Variants in TTC28 observed in about 807,000 individuals in gnomAD.
TTC28 encodes the protein tetratricopeptide repeat domain 28, also known as tetratricopeptide repeat protein 28.
A neutral mutation model predicts 198.0 loss-of-function variants in TTC28; 61 were observed. The observed-to-expected ratio is 0.31, with a 90% CI of 0.25 to 0.38. The LOEUF is 0.38. TTC28 is among the 10% of genes least tolerant of loss of function. The pLI is 1.00. For synonymous variants in TTC28, 1,171 were observed against 1,297.8 expected (o/e 0.90, Z 2.10); for missense variants, 2,678 against 3,164.0 (o/e 0.85, Z 3.69).
chr22:28,415,273 TA>T (rs1403537284), intron 2 of TTC28, among the ~76,000 whole-genome samples: 1 of 151,832 alleles, frequency 6.6e-6, no homozygotes, highest in East Asian at 1.9e-4. Flanking sequence ...AAAGAAATTT[TA>T]AATGAAAAAA....
chr22:28,467,388 C>T (rs1344099498), intron 2 of TTC28, among the ~76,000 whole-genome samples: 2 of 152,184 alleles, frequency 1.3e-5, no homozygotes, highest in East Asian at 3.8e-4. Flanking sequence ...TGCACCACTG[C>T]ACTCCAGCCT....
At chr22:28,541,439 A>G (rs1409814555) in intron 2 of TTC28, among the ~76,000 whole-genome samples, 1 of 152,196 alleles carries the variant, frequency 6.6e-6, no homozygotes, top group Non-Finnish European at 1.5e-5. Flanking sequence ...AGAAGCAGCT[A>G]CTCAGGAAAA....
At chr22:28,590,023 C>A in intron 2 of TTC28, among the ~76,000 whole-genome samples, 1 of 61,704 alleles carries the variant, frequency 1.6e-5, no homozygotes, top group African/African-American at 9.6e-5. Flanking sequence ...GGCAACAGAA[C>A]AAGACTCCAT....
intron 2 of TTC28, among the ~76,000 whole-genome samples, chr22:28,389,247 T>C (rs1328904382): frequency 6.6e-6 from 1 of 152,226 alleles, no homozygotes; most frequent in Non-Finnish European, 1.5e-5. Flanking sequence ...GGTTTGCCAG[T>C]ATTTTATTGA....
At chr22:28,425,987 G>T (rs1053755172) in intron 2 of TTC28, among the ~76,000 whole-genome samples, 1 of 152,138 alleles carries the variant, frequency 6.6e-6, no homozygotes, top group African/African-American at 2.4e-5. Flanking sequence ...GAGGCAGATG[G>T]ATCACTTGAG....
At chr22:28,617,476 G>C (rs1021652433) in intron 2 of TTC28, among the ~76,000 whole-genome samples, 8 of 152,056 alleles carry the variant, frequency 5.3e-5, no homozygotes, top group African/African-American at 1.7e-4. Flanking sequence ...CTGGCTGACA[G>C]AGTGAGACCC....
At chr22:28,066,304 G>GTT (rs71803180) in intron 12 of TTC28, among the ~76,000 whole-genome samples, 1,670 of 147,190 alleles carry the variant, frequency 0.011, 25 homozygotes, top group African/African-American at 0.04. Context: ...GTGTGTGTGT[G>GTT]GTGTGTGTGT....
At chr22:28,383,733 C>T (rs2046531465) in intron 2 of TTC28, among the ~76,000 whole-genome samples, 1 of 152,108 alleles carries the variant, frequency 6.6e-6, no homozygotes, top group South Asian at 2.1e-4. Context: ...CACCTTTGTC[C>T]AAACCATCAT....
intron 12 of TTC28, among the ~76,000 whole-genome samples, chr22:28,040,076 G>A (rs545071488): frequency 1.3e-5 from 2 of 152,294 alleles, no homozygotes; most frequent in Admixed American, 1.3e-4. Context: ...AACAGGTTCT[G>A]AAATTGAGGA....
chr22:28,421,308 G>T (rs779406244), intron 2 of TTC28, among the ~76,000 whole-genome samples: 67 of 152,058 alleles, frequency 4.4e-4, no homozygotes, highest in Non-Finnish European at 7.4e-4. Context: ...AAACCACAAC[G>T]CTGGAAAACT....
At chr22:28,016,216 G>A (rs1244933047) in intron 13 of TTC28, among the ~76,000 whole-genome samples, 1 of 152,120 alleles carries the variant, frequency 6.6e-6, no homozygotes, top group Non-Finnish European at 1.5e-5. Flanking sequence ...AAGTGACGAG[G>A]GCTGCAGCAT....
intron 2 of TTC28, among the ~76,000 whole-genome samples, chr22:28,581,610 T>C (rs1347234446): frequency 6.6e-6 from 1 of 152,218 alleles, no homozygotes. Flanking sequence ...ATGATTCCAC[T>C]AATAAATAGA....
At chr22:28,480,404 ACT>A (rs1463456340) in intron 2 of TTC28, among the ~76,000 whole-genome samples, 2 of 152,124 alleles carry the variant, frequency 1.3e-5, no homozygotes, top group African/African-American at 4.8e-5. Flanking sequence ...CAGGTCACAA[ACT>A]CTACAGAAAG....
intron 18 of TTC28, 194 bp from the exon 19 acceptor site, chr22:27,992,857 G>A: frequency 3.2e-6 from 2 of 628,344 alleles, no homozygotes; most frequent in Admixed American, 2.9e-5. Context: ...GGGTGGAAGT[G>A]GGTTGAGTCC....
chr22:28,630,009 A>G (rs1441978175), intron 1 of TTC28, among the ~76,000 whole-genome samples, 179 bp from the exon 2 acceptor site: 2 of 152,062 alleles, frequency 1.3e-5, no homozygotes, highest in African/African-American at 4.8e-5. Flanking sequence ...GAACAGATTA[A>G]TGCCCTCCCC....
chr22:28,276,606 G>C (rs2044478121), intron 5 of TTC28, among the ~76,000 whole-genome samples: 1 of 152,172 alleles, frequency 6.6e-6, no homozygotes, highest in African/African-American at 2.4e-5. Flanking sequence ...AGTCATGGCA[G>C]CAACTGCTGT....
At chr22:28,331,585 T>A (rs901252392) in intron 2 of TTC28, among the ~76,000 whole-genome samples, 9 of 152,118 alleles carry the variant, frequency 5.9e-5, no homozygotes, top group African/African-American at 1.9e-4. Flanking sequence ...CATCAATAAA[T>A]ATTTAATAAC....
At chr22:28,594,696 G>T (rs2050507093) in intron 2 of TTC28, among the ~76,000 whole-genome samples, 1 of 152,064 alleles carries the variant, frequency 6.6e-6, no homozygotes, top group Non-Finnish European at 1.5e-5. Context: ...TGCACTCCAA[G>T]TACTGAAATA....
At chr22:28,322,427 T>TG (rs2045462266) in intron 2 of TTC28, among the ~76,000 whole-genome samples, 1 of 152,160 alleles carries the variant, frequency 6.6e-6, no homozygotes, top group Non-Finnish European at 1.5e-5. Context: ...AGATAACAAA[T>TG]ATAAATTAAC....
Sources: allele counts gnomAD v4.1 joint callset (sites outside exome capture counted in the v4.1 genomes callset), GRCh38; gene constraint gnomAD v4.1.1; transcripts MANE v1.5; gene names NCBI Gene and HGNC (gene_info 2026-07-23, HGNC 2026-07-21).